The following PCNX1 variants were observed in gnomAD, a reference collection of about 807,000 sequenced individuals.
PCNX1 encodes pecanex 1.
PCNX1 carries 78 observed loss-of-function variants against 242.2 expected under a neutral mutation model. The observed-to-expected ratio is 0.32, with a 90% CI of 0.27 to 0.39. The LOEUF (loss-of-function observed/expected upper bound fraction) is 0.39, where lower values mean the gene tolerates loss of function less well. Ranked by LOEUF, PCNX1 falls within the 10% of genes least tolerant of loss-of-function variation. The pLI is 1.00. For synonymous variants in PCNX1, 1,024 were observed against 1,032.9 expected, an observed-to-expected ratio of 0.99 and a Z score of 0.17; for missense variants, 2,581 against 2,856.5, an observed-to-expected ratio of 0.90 and a Z score of 2.20.
rs561277943 is a variant in PCNX1 at position 70,980,990 on chromosome 14, G to T, written c.2311+2342G>T. ...GTAGAGAGATGGAATTTAGGAAATA[G>T]ACTTTAAAGTACTAAAATAAAGTAT... On this transcript the variant is annotated intron_variant, in intron 6 of 35. Coordinates refer to ENST00000304743, the MANE Select transcript of PCNX1 (RefSeq NM_014982.3). Among the ~76,000 whole-genome samples, 199 of 152,222 alleles carry T rather than the reference G, an allele frequency of 1.3e-3. 1 individual carries two copies. The highest frequency in any genetic ancestry group is 4.5e-3 in the African/African-American group (185 of 41,536).
At chr14:71,081,624 C>T (rs529765874) in intron 28 of PCNX1, among the ~76,000 whole-genome samples, 1 of 152,222 alleles carries the variant, frequency 6.6e-6, no homozygotes, top group African/African-American at 2.4e-5. Context: ...GAAATCTATC[C>T]ATTTCTTCTA....
chr14:70,949,453 T>C (rs1240064459), intron 2 of PCNX1, among the ~76,000 whole-genome samples: 10 of 151,796 alleles, frequency 6.6e-5, no homozygotes, highest in Non-Finnish European at 1.3e-4. Context: ...ATATGTATAA[T>C]ATACACATAC....
intron 1 of PCNX1, among the ~76,000 whole-genome samples, chr14:70,922,690 T>G (rs1310491606): frequency 5.3e-5 from 8 of 152,124 alleles, no homozygotes; most frequent in African/African-American, 1.9e-4. Context: ...CTTCATTTTT[T>G]GAACCATTTT....
rs147560725 is a variant in PCNX1, at chr14:71,102,026, A to C, written c.5626A>C (p.Thr1876Pro). 1 of 1,612,362 alleles carries C rather than the reference A, an allele frequency of 6.2e-7. No individual in the cohort carries two copies. The highest frequency in any genetic ancestry group is 1.7e-5 in the Admixed American group (1 of 60,022). ...TTCTCCAGATGAATATGATGACCCT[A>C]CTGTGCTCTATGAAGCCATAGTATC... ...FTSPDEYDDPTVLYEAIVSHE... is the reference protein window; with the variant it reads ...FTSPDEYDDPPVLYEAIVSHE... Residue 1876 changes from threonine (T) to proline (P), a missense_variant, in exon 31 of 36, where the codon ACT becomes CCT. Thr to Pro is a conservative substitution (Grantham distance 38, BLOSUM62 -1). Around this residue, in one of 9 missense-constraint regions of PCNX1, gnomAD observed 298 missense variants for 480.1 expected, o/e 0.62. Transcript: ENST00000304743.
At chr14:70,925,054 T>C (rs2056534767) in intron 1 of PCNX1, among the ~76,000 whole-genome samples, 1 of 152,060 alleles carries the variant, frequency 6.6e-6, no homozygotes, top group Non-Finnish European at 1.5e-5. Context: ...AGTGGTGCGA[T>C]CTCAGCTCAC....
chr14:70,991,258 G>T (rs930415830), intron 7 of PCNX1, among the ~76,000 whole-genome samples: 4 of 147,034 alleles, frequency 2.7e-5, no homozygotes, highest in Admixed American at 2.1e-4. Flanking sequence ...AGGCTGGAGT[G>T]CAGTGGCGCG....
chr14:71,103,726 G>A, intron 32 of PCNX1, 57 bp downstream of exon 32: 2 of 1,537,324 alleles, frequency 1.3e-6, no homozygotes, highest in Non-Finnish European at 1.8e-6. Context: ...TCTTAATCTA[G>A]GCAGTGTGCA....
In PCNX1 at chr14:70,978,544, T is replaced by C. The variant is rs1173787736; in HGVS notation, c.2207T>C (p.Leu736Ser). 2 of 1,614,180 alleles carry C rather than the reference T, an allele frequency of 1.2e-6. No homozygotes were observed. The highest frequency in any genetic ancestry group is 1.7e-6 in the Non-Finnish European group (2 of 1,180,024). The change falls in exon 6 of 36, where the codon TTA becomes TCA. Residue 736 changes from leucine to serine, a missense_variant. Around this residue, in one of 9 missense-constraint regions of PCNX1, gnomAD observed 1,204 missense variants for 1,216.7 expected, o/e 0.99. Transcript: ENST00000304743. The stretch of plus-strand genomic sequence containing the variant: ...GGAGAGGTGCTAGATGAGCTATCTT[T>C]ATTAGGACGGGCTTCCCAGTTAGAG... ...KEGEVLDELS[L>S]LGRASQLETV...
chr14:71,028,392 T>TA (rs1365399101), intron 15 of PCNX1, among the ~76,000 whole-genome samples: 2 of 152,022 alleles, frequency 1.3e-5, no homozygotes, highest in African/African-American at 4.8e-5. Context: ...TTTTTCCACA[T>TA]TTTTTGTTAA....
In PCNX1 at chr14:70,907,818, C is replaced by A. The variant is rs752701953; in HGVS notation, c.-33C>A. The A allele has an allele frequency of 1.3e-5, 16 of 1,239,130 alleles. No individual in the cohort carries two copies. In the East Asian group the frequency reaches 5.0e-4, roughly 39 times the overall value. 76.8% of individuals were successfully genotyped at this position (1,239,130 alleles called of 1,614,324 possible). ...GGGGCCGGGGCGGGGACGGCGGCGG[C>A]GGCGGCGGCGACGGCGGCGGCGCCG... is the stretch of plus-strand genomic sequence containing the variant. On this transcript the variant is annotated 5_prime_UTR_variant, in exon 1 of 36. Transcript: ENST00000304743.
chr14:71,095,480 T>G (rs924292612), intron 30 of PCNX1, among the ~76,000 whole-genome samples: 8 of 152,200 alleles, frequency 5.3e-5, no homozygotes, highest in African/African-American at 1.9e-4. Context: ...CTCTTGAATA[T>G]TCTTAAAAAT....
intron 8 of PCNX1, among the ~76,000 whole-genome samples, chr14:71,002,038 C>T (rs1344305600): frequency 1.3e-5 from 2 of 152,172 alleles, no homozygotes; most frequent in East Asian, 1.9e-4. Flanking sequence ...GACAACTTCT[C>T]GTCGTGGGAG....
chr14:71,106,747 C>A (rs1178000349), intron 33 of PCNX1, among the ~76,000 whole-genome samples: 1 of 152,050 alleles, frequency 6.6e-6, no homozygotes, highest in Non-Finnish European at 1.5e-5. Flanking sequence ...TCAGCAGCTC[C>A]TCTTTCTAAA....
At chr14:70,961,460 C>G (rs1035768512) in intron 2 of PCNX1, among the ~76,000 whole-genome samples, 9 of 152,174 alleles carry the variant, frequency 5.9e-5, no homozygotes, top group African/African-American at 2.2e-4. Flanking sequence ...ACTGGCTAGC[C>G]ATATGTAGAA....
rs1388672468 is a variant in PCNX1 at position 70,908,807 on chromosome 14, G to GTAC, written c.153+806_153+808dup. On this transcript the variant is annotated intron_variant, in intron 1 of 35. Coordinates refer to ENST00000304743, the MANE Select transcript of PCNX1 (RefSeq NM_014982.3). ...TGGCGGATAGGAGTAGGGAGAGAGA[G>GTAC]TACTGCCTGTTGCTGAATTCGGTGC... Among the ~76,000 whole-genome samples the GTAC allele has an allele frequency of 2.0e-5, 3 of 152,206 alleles. 1 individual carries two copies. The highest frequency in any genetic ancestry group is 7.2e-5 in the African/African-American group (3 of 41,452).
intron 1 of PCNX1, among the ~76,000 whole-genome samples, chr14:70,930,948 A>G (rs1211088183): frequency 6.6e-6 from 1 of 152,166 alleles, no homozygotes; most frequent in Non-Finnish European, 1.5e-5. Flanking sequence ...ATGGCCATTG[A>G]TATCAGGGCC....
chr14:71,003,993 A>AT (rs1181872441), intron 8 of PCNX1, among the ~76,000 whole-genome samples: 1 of 152,236 alleles, frequency 6.6e-6, no homozygotes, highest in African/African-American at 2.4e-5. Flanking sequence ...TATCATGAGG[A>AT]TTAAAGAAGT....
chr14:71,097,083 C>T (rs2062308901), intron 30 of PCNX1, among the ~76,000 whole-genome samples: 1 of 152,120 alleles, frequency 6.6e-6, no homozygotes, highest in Non-Finnish European at 1.5e-5. Context: ...TAAGAATTAT[C>T]CTAATTTGCT....
intron 30 of PCNX1, among the ~76,000 whole-genome samples, chr14:71,099,159 A>ATTTTT (rs35488754): frequency 1.5e-5 from 2 of 131,490 alleles, no homozygotes; most frequent in Non-Finnish European, 3.2e-5. Context: ...TATTATTTTG[A>ATTTTT]TTTTTTTTTT....
Sources: allele counts gnomAD v4.1 joint callset (sites outside exome capture counted in the v4.1 genomes callset), GRCh38; gene constraint gnomAD v4.1.1; regional missense constraint gnomAD v4.1.1; transcripts MANE v1.5; gene names NCBI Gene and HGNC (gene_info 2026-07-23, HGNC 2026-07-21).